Variants in FARSA observed in about 807,000 individuals in gnomAD.
FARSA encodes the protein phenylalanine--tRNA ligase alpha subunit.
In FARSA, 37 loss-of-function variants were observed where a neutral mutation model predicts 63.2. The observed-to-expected ratio is 0.59, with a 90% CI of 0.45 to 0.77. FARSA has a LOEUF of 0.77. Ranked by LOEUF, FARSA falls within the 30% of genes least tolerant of loss-of-function variation. FARSA has a pLI of 0.00. For synonymous variants in FARSA, 312 were observed against 285.1 expected, an observed-to-expected ratio of 1.09 and a Z score of -0.95; for missense variants, 618 against 696.6, an observed-to-expected ratio of 0.89 and a Z score of 1.27.
rs367716693 is a variant in FARSA at position 12,930,191 on chromosome 19, G to A, written c.503+32C>T. On this transcript the variant is annotated intron_variant, in intron 4 of 12. Transcript: ENST00000314606. The stretch of plus-strand genomic sequence containing the variant: ...CCTCCACCATGCTTCGCAGGTGGTG[G>A]GGGCCTGAGCCTGCAGGGGGCACCC... The A allele has an allele frequency of 2.6e-6, 4 of 1,553,206 alleles. No homozygotes were observed. The African/African-American group carries it at 5.4e-5, about 21-fold the overall frequency.
chr19:12,931,844 C>G (rs1314779534), intron 1 of FARSA, among the ~76,000 whole-genome samples: 2 of 152,164 alleles, frequency 1.3e-5, no homozygotes, highest in East Asian at 3.9e-4. Context: ...GGCCTGGCTC[C>G]CACTTCATTC....
At chr19:12,922,965 C>T in intron 12 of FARSA, 79 bp from the exon 13 acceptor site, 1 of 1,593,870 alleles carries the variant, frequency 6.3e-7, no homozygotes. Flanking sequence ...CTCCCATCTT[C>T]TTCAGAGGAA....
In FARSA at chr19:12,924,037, G is replaced by C. The variant is rs994984766; in HGVS notation, c.1388+114C>G. 30 of 791,510 alleles carry C rather than the reference G, an allele frequency of 3.8e-5. No homozygotes were observed. Among genetic ancestry groups the C allele is most frequent in the Non-Finnish European group, 1.3e-5 (6 of 455,800 alleles). 49.0% of individuals were successfully genotyped at this position (791,510 alleles called of 1,614,324 possible). A position where few individuals can be genotyped will look rare whatever the true frequency, so the allele number is the denominator to read the frequency against. ...TGAGCATTCAGTTTGTACTCACGAT[G>C]AAAGTTTTGTCCATTGGATGAATGA... On this transcript the variant is annotated intron_variant, in intron 12 of 12. Transcript: ENST00000314606. The surrounding 1 kb of genome is among the most constrained non-coding windows in gnomAD (Gnocchi z 6.4).
In FARSA at chr19:12,930,672, G is replaced by C. The variant is rs371762541; in HGVS notation, c.225C>G (p.Ser75Arg). Residue 75 changes from serine to arginine, a missense_variant, in exon 2 of 13, where the codon AGC (serine) becomes AGG (arginine). Coordinates refer to ENST00000314606, the MANE Select transcript of FARSA (RefSeq NM_004461.3). ...TGCTTCGAAACACACGGGCCTCATGGCTGCCCTCCCGGGCAATCTCCTCGC... is the reference window on the plus strand; with the variant it reads ...TGCTTCGAAACACACGGGCCTCATGCCTGCCCTCCCGGGCAATCTCCTCGC... ...AEGEEIAREG[S>R]HEARVFRSIP... 3 of 1,613,698 alleles carry C rather than the reference G, an allele frequency of 1.9e-6. No individual in the cohort carries two copies. The African/African-American group carries it at 4.0e-5, about 22-fold the overall frequency.
In FARSA at chr19:12,928,115, A is replaced by T. The variant is rs1317185368; in HGVS notation, c.841+227T>A. Among the ~76,000 whole-genome samples the T allele has an allele frequency of 2.0e-5, 3 of 151,734 alleles. No individual in the cohort carries two copies. The East Asian group carries it at 5.8e-4, about 29-fold the overall frequency. The stretch of plus-strand genomic sequence containing the variant: ...CAAGGATGGACTTTAATTTAACTCA[A>T]TTAATTTTTTTAGAGGTAGATTCTT... On this transcript the variant is annotated intron_variant, in intron 7 of 12. Coordinates refer to ENST00000314606, the MANE Select transcript of FARSA (RefSeq NM_004461.3).
chr19:12,928,626 A>C lies in FARSA; in HGVS notation c.634T>G (p.Phe212Val). 6.2e-7 allele frequency: 1 copy of C among 1,611,328 alleles called. No individual in the cohort carries two copies. Among genetic ancestry groups the C allele is most frequent in the Non-Finnish European group, 8.5e-7 (1 of 1,178,718 alleles). The stretch of plus-strand genomic sequence containing the variant: ...TCGGGGAGGACACCGTGGGCCAAGA[A>C]GTTGTAGGGCTTGAAGGGCCGGTCC... ...WRDRPFKPYNFLAHGVLPDSG... is the reference protein window; with the variant it reads ...WRDRPFKPYNVLAHGVLPDSG... Residue 212 changes from phenylalanine (F) to valine (V), a missense_variant, in exon 6 of 13, where the codon TTC becomes GTC. Phe to Val is a conservative substitution (Grantham distance 50). Coordinates refer to ENST00000314606, the MANE Select transcript of FARSA (RefSeq NM_004461.3).
At chr19:12,933,269 T>C (rs1354537166) in intron 1 of FARSA, 7 of 444,682 alleles carry the variant, frequency 1.6e-5, no homozygotes, top group Non-Finnish European at 2.8e-5. Flanking sequence ...CACCTTCCTA[T>C]TACGTCGCAA....
rs775937531 is a variant in FARSA, at chr19:12,928,790, C to T, written c.561G>A (p.Lys187=). 2.5e-6 allele frequency: 4 copies of T among 1,614,130 alleles called. No homozygotes were observed. The highest frequency in any genetic ancestry group is 3.4e-6 in the Non-Finnish European group (4 of 1,180,018). Residue 187 remains lysine (K), a synonymous_variant, in exon 5 of 13, where the codon AAG becomes AAA. Transcript: ENST00000314606. ...TCTCTGGGCTCAGCTCTGTCTCTTGCTTGGAGATGCTGGTACTAAAGGCAC... is the reference window on the plus strand; with the variant it reads ...TCTCTGGGCTCAGCTCTGTCTCTTGTTTGGAGATGCTGGTACTAAAGGCAC... ...KGSAFSTSIS[K]QETELSPEMI...
rs1971355643 is a variant in FARSA at position 12,928,673 on chromosome 19, G to A, written c.597-10C>T. ...GTCCCGCCAAGAGCCACTGGGGGAG[G>A]ATGCAAGGGCCTGGTAAGGGCTGCC... On this transcript the variant is annotated splice_polypyrimidine_tract_variant and intron_variant, in intron 5 of 12. Transcript: ENST00000314606. 12 of 1,613,178 alleles carry A rather than the reference G, an allele frequency of 7.4e-6. No homozygotes were observed. Among genetic ancestry groups the A allele is most frequent in the Non-Finnish European group, 1.0e-5 (12 of 1,179,558 alleles).
At chr19:12,923,904 G>A (rs770621062) in intron 12 of FARSA, among the ~76,000 whole-genome samples, 93 of 152,186 alleles carry the variant, frequency 6.1e-4, no homozygotes, top group Non-Finnish European at 1.2e-3. Context: ...GAGCTACCAC[G>A]CCTGGCCTGA....
In FARSA at chr19:12,933,625, G is replaced by A. The variant is rs1191198107; in HGVS notation, c.72C>T (p.Ala24=). ...LEASDGGLDS[A]ELAAELGMEH... is the part of the protein sequence containing the mutation. ...CCATGCCCAGCTCAGCCGCCAACTC[G>A]GCGCTGTCCAGGCCGCCATCAGACG... Residue 24 remains alanine (A), a synonymous_variant, in exon 1 of 13, where the codon GCC becomes GCT. Coordinates refer to ENST00000314606, the MANE Select transcript of FARSA (RefSeq NM_004461.3). 1.3e-6 allele frequency: 2 copies of A among 1,559,534 alleles called. No individual in the cohort carries two copies. Among genetic ancestry groups the A allele is most frequent in the East Asian group, 2.4e-5 (1 of 42,030 alleles).
chr19:12,923,949 C>T (rs776456417), intron 12 of FARSA, among the ~76,000 whole-genome samples: 36 of 152,234 alleles, frequency 2.4e-4, no homozygotes, highest in Non-Finnish European at 4.4e-4. Context: ...TCATCCTTCT[C>T]GCTCCACTGG....
chr19:12,922,498 TATTA>T lies in FARSA; in HGVS notation c.*246_*249del. On this transcript the variant is annotated 3_prime_UTR_variant, in exon 13 of 13. Coordinates refer to ENST00000314606, the MANE Select transcript of FARSA (RefSeq NM_004461.3). Reference sequence around the variant, plus strand: ...ACCAGATGGGGGCAACTGCCCACTTTATTAGACAATAGGTGGCCCACAGGTCTCC... The same window carrying T: ...ACCAGATGGGGGCAACTGCCCACTTTGACAATAGGTGGCCCACAGGTCTCC... 2 of 521,524 alleles carry T rather than the reference TATTA, an allele frequency of 3.8e-6. No homozygotes were observed. The allele number at this position is 521,524 out of a possible 1,614,324, so 32.3% of individuals were successfully genotyped here.
chr19:12,926,241 G>A (rs1377527812), intron 7 of FARSA, among the ~76,000 whole-genome samples: 3 of 149,336 alleles, frequency 2.0e-5, no homozygotes, highest in Admixed American at 6.8e-5. Flanking sequence ...GTGAGCCACC[G>A]CGCCCGGCCT....
intron 1 of FARSA, among the ~76,000 whole-genome samples, chr19:12,931,512 C>A (rs1971395518): frequency 6.6e-6 from 1 of 152,200 alleles, no homozygotes; most frequent in South Asian, 2.1e-4. Context: ...TCGGCCGACT[C>A]CGCCTCCCAA....
chr19:12,924,203 T>G lies in FARSA; in HGVS notation c.1336A>C (p.Met446Leu), dbSNP rs764136745. Reference protein sequence around the residue: ...GVFRPEMLLPMGLPENVSVIA... With the variant: ...GVFRPEMLLPLGLPENVSVIA... ...ACCGACACGTTCTCGGGAAGCCCCA[T>G]GGGCAGCAGCATCTCTGGACGGAAG... Residue 446 changes from methionine (M) to leucine (L), a missense_variant, in exon 12 of 13, where the codon ATG (methionine) becomes CTG (leucine). Physicochemically the swap from Met to Leu is conservative, Grantham distance 15. Coordinates refer to ENST00000314606, the MANE Select transcript of FARSA (RefSeq NM_004461.3). The surrounding 1 kb of genome is among the most constrained non-coding windows in gnomAD (Gnocchi z 6.4). 18 of 1,614,120 alleles carry G rather than the reference T, an allele frequency of 1.1e-5. No individual in the cohort carries two copies. The highest frequency in any genetic ancestry group is 1.5e-5 in the Non-Finnish European group (18 of 1,180,018).
In FARSA at chr19:12,924,811, G is replaced by T; in HGVS notation, c.1027-4C>A. ...ACTTGACCGGAGTGAAGGGCTTCTA[G>T]GGGTGACAACCGAGCCAGGCCCAGG... On this transcript the variant is annotated splice_region_variant and splice_polypyrimidine_tract_variant and intron_variant, in intron 9 of 12. Coordinates refer to ENST00000314606, the MANE Select transcript of FARSA (RefSeq NM_004461.3). This position sits in a 1 kb window ranked among gnomAD's most constrained non-coding sequence, Gnocchi z 6.4. The T allele has an allele frequency of 6.2e-7, 1 of 1,610,304 alleles. No individual in the cohort carries two copies. The highest frequency in any genetic ancestry group is 8.5e-7 in the Non-Finnish European group (1 of 1,177,374).
At position 12,930,428 on chromosome 19, in the gene FARSA, C is replaced by T; in HGVS notation, c.384+1G>A. Reference sequence around the variant, plus strand: ...CCCCTGACCAGCCCGCAGGAACGCACCACTCGGAACACCCGGGGCCCGTCA... The same window carrying T: ...CCCCTGACCAGCCCGCAGGAACGCATCACTCGGAACACCCGGGGCCCGTCA... On this transcript the variant is annotated splice_donor_variant, in intron 3 of 12. Coordinates refer to ENST00000314606, the MANE Select transcript of FARSA (RefSeq NM_004461.3). LOFTEE classifies it high-confidence loss of function. 1 of 1,613,816 alleles carries T rather than the reference C, an allele frequency of 6.2e-7. No homozygotes were observed. Among genetic ancestry groups the T allele is most frequent in the Non-Finnish European group, 8.5e-7 (1 of 1,179,814 alleles).
chr19:12,923,600 CT>C (rs1189789364), intron 12 of FARSA, among the ~76,000 whole-genome samples: 1 of 152,208 alleles, frequency 6.6e-6, no homozygotes, highest in African/African-American at 2.4e-5. Flanking sequence ...CTGCCTCAGC[CT>C]CCTAAGTAGC....
Sources: allele counts gnomAD v4.1 joint callset (sites outside exome capture counted in the v4.1 genomes callset), GRCh38; gene constraint gnomAD v4.1.1; non-coding constraint Gnocchi (gnomAD v3.1); transcripts MANE v1.5; gene names NCBI Gene and HGNC (gene_info 2026-07-23, HGNC 2026-07-21).